Variants in TMEM108 observed in about 807,000 individuals in gnomAD.
TMEM108 encodes the protein transmembrane protein 108.
Under a neutral mutation model 35.1 loss-of-function variants are expected in TMEM108, and 12 were observed. The observed-to-expected ratio is 0.34, with a 90% CI of 0.22 to 0.55. The LOEUF (loss-of-function observed/expected upper bound fraction) is 0.55, where lower values mean the gene tolerates loss of function less well. TMEM108 is among the 20% of genes least tolerant of loss of function. TMEM108 has a pLI of 0.89. For synonymous variants in TMEM108, 287 were observed against 308.6 expected (o/e 0.93, Z 0.73); for missense variants, 680 against 753.3 (o/e 0.90, Z 1.14).
chr3:133,115,464 A>G (rs941506028), intron 2 of TMEM108, among the ~76,000 whole-genome samples: 1 of 152,328 alleles, frequency 6.6e-6, no homozygotes, highest in Non-Finnish European at 1.5e-5. Flanking sequence ...GAGGGGAGGA[A>G]ACTGAGGTTC....
chr3:133,198,622 A>C lies in TMEM108; in HGVS notation c.-46-30644A>C, dbSNP rs551306710. 2.0e-5 allele frequency among the ~76,000 whole-genome samples: 3 copies of C among 152,350 alleles called. No individual in the cohort carries two copies. The South Asian group carries it at 6.2e-4, about 32-fold the overall frequency. On this transcript the variant is annotated intron_variant, in intron 2 of 5. Coordinates refer to ENST00000321871, the MANE Select transcript of TMEM108 (RefSeq NM_023943.4). ...CAATTTTAGACCTTACATCATGTGAACAGCAAACAGTCTTTACTAGTTTGG... is the reference window on the plus strand; with the variant it reads ...CAATTTTAGACCTTACATCATGTGACCAGCAAACAGTCTTTACTAGTTTGG...
rs919469077 is a variant in TMEM108 at position 133,264,086 on chromosome 3, G to A, written c.40+34735G>A. Reference sequence around the variant, plus strand: ...TTTGGGAGATCAAGGCAGGAGGATCGCTTGAGGCTAAGAGTTCAAGACCAG... The same window carrying A: ...TTTGGGAGATCAAGGCAGGAGGATCACTTGAGGCTAAGAGTTCAAGACCAG... On this transcript the variant is annotated intron_variant, in intron 3 of 5. Coordinates refer to ENST00000321871, the MANE Select transcript of TMEM108 (RefSeq NM_023943.4). Among the ~76,000 whole-genome samples, 29 of 152,172 alleles carry A rather than the reference G, an allele frequency of 1.9e-4. 2 individuals carry two copies. The highest frequency in any genetic ancestry group is 5.8e-4 in the East Asian group (3 of 5,182).
chr3:133,195,857 C>T (rs150186335), intron 2 of TMEM108, among the ~76,000 whole-genome samples: 199 of 152,294 alleles, frequency 1.3e-3, no homozygotes, highest in African/African-American at 4.5e-3. Flanking sequence ...CAAACCTATA[C>T]GTGGTGAGCA....
intron 2 of TMEM108, among the ~76,000 whole-genome samples, chr3:133,122,576 T>C (rs1258968501): frequency 6.6e-6 from 1 of 152,076 alleles, no homozygotes; most frequent in Non-Finnish European, 1.5e-5. Context: ...TAAAAATTGG[T>C]CAACATTGGC....
intron 2 of TMEM108, among the ~76,000 whole-genome samples, chr3:133,080,712 C>G (rs73005565): frequency 0.017 from 2,652 of 152,178 alleles, 77 homozygotes; most frequent in African/African-American, 0.061. Context: ...ACACTTAGTG[C>G]TACATGCTGA....
intron 3 of TMEM108, among the ~76,000 whole-genome samples, chr3:133,234,805 C>A (rs1946208988): frequency 6.6e-6 from 1 of 152,134 alleles, no homozygotes; most frequent in African/African-American, 2.4e-5. Flanking sequence ...AAGAGGAAGT[C>A]AAATTGTCCC....
chr3:133,313,414 T>G (rs375084730), intron 3 of TMEM108, among the ~76,000 whole-genome samples: 7 of 152,284 alleles, frequency 4.6e-5, no homozygotes, highest in Admixed American at 3.3e-4. Context: ...CCCAATCTCC[T>G]GACCTCGTGA....
At chr3:133,271,310 TTGTC>T (rs1371894935) in intron 3 of TMEM108, among the ~76,000 whole-genome samples, 1 of 152,136 alleles carries the variant, frequency 6.6e-6, no homozygotes, top group African/African-American at 2.4e-5. Context: ...TGGAGGCAAA[TTGTC>T]TGCGGAGTTG....
intron 3 of TMEM108, among the ~76,000 whole-genome samples, chr3:133,358,752 T>TC (rs963165771): frequency 3.3e-5 from 5 of 152,146 alleles, no homozygotes; most frequent in Non-Finnish European, 7.3e-5. Context: ...CTGTCCCTTC[T>TC]CCCCTAACCC....
intron 2 of TMEM108, among the ~76,000 whole-genome samples, chr3:133,208,529 T>G (rs145779685): frequency 0.011 from 1,705 of 152,290 alleles, 30 homozygotes; most frequent in South Asian, 0.039. Context: ...CATTTATTTC[T>G]TCTATTGATT....
intron 2 of TMEM108, among the ~76,000 whole-genome samples, chr3:133,057,560 T>A (rs552773711): frequency 1.3e-5 from 2 of 150,894 alleles, no homozygotes; most frequent in African/African-American, 4.9e-5. Context: ...AGTATAACTG[T>A]TGGGGTTCTT....
At chr3:133,108,760 TCTCA>T (rs1944189831) in intron 2 of TMEM108, among the ~76,000 whole-genome samples, 1 of 149,762 alleles carries the variant, frequency 6.7e-6, no homozygotes, top group Non-Finnish European at 1.5e-5. Flanking sequence ...CACCGCATGT[TCTCA>T]CTCATAGGTG....
intron 3 of TMEM108, among the ~76,000 whole-genome samples, chr3:133,322,047 C>A (rs1012992108): frequency 1.3e-5 from 2 of 152,080 alleles, no homozygotes; most frequent in South Asian, 4.1e-4. Flanking sequence ...GAGGAAAGTT[C>A]ATAGCATTAA....
chr3:133,252,418 A>T (rs543707423), intron 3 of TMEM108, among the ~76,000 whole-genome samples: 2 of 152,280 alleles, frequency 1.3e-5, no homozygotes, highest in African/African-American at 4.8e-5. Context: ...TTAGCAATGG[A>T]GTAACTAGGA....
intron 2 of TMEM108, among the ~76,000 whole-genome samples, chr3:133,197,554 C>T (rs967597344): frequency 7.9e-5 from 12 of 152,144 alleles, no homozygotes; most frequent in African/African-American, 2.7e-4. Flanking sequence ...GGACTTGCCC[C>T]CAGGGATATT....
intron 3 of TMEM108, among the ~76,000 whole-genome samples, chr3:133,294,859 G>C (rs1288884381): frequency 6.6e-6 from 1 of 152,150 alleles, no homozygotes; most frequent in Non-Finnish European, 1.5e-5. Context: ...TTTTAATAAA[G>C]AAATTAATGT....
At chr3:133,140,310 T>A (rs1160229676) in intron 2 of TMEM108, among the ~76,000 whole-genome samples, 1 of 152,186 alleles carries the variant, frequency 6.6e-6, no homozygotes, top group Non-Finnish European at 1.5e-5. Context: ...TCTTCTATTA[T>A]CTCCTACGAG....
chr3:133,205,052 G>A (rs1945731363), intron 2 of TMEM108, among the ~76,000 whole-genome samples: 2 of 151,984 alleles, frequency 1.3e-5, no homozygotes, highest in South Asian at 2.1e-4. Context: ...TTACCATTGT[G>A]TAATGCCCTT....
intron 3 of TMEM108, among the ~76,000 whole-genome samples, chr3:133,322,342 C>T (rs2071276958): frequency 1.3e-5 from 2 of 151,938 alleles, no homozygotes; most frequent in South Asian, 2.1e-4. Context: ...ACGAGAGATA[C>T]TACAACTGAC....
Sources: gnomAD v4.1 joint callset for allele counts (sites outside exome capture counted in the v4.1 genomes callset) on GRCh38, gnomAD v4.1.1 for gene constraint, MANE v1.5 for transcripts, NCBI Gene and HGNC (gene_info 2026-07-23, HGNC 2026-07-21) for gene names.